Variants in CDK12 observed in about 807,000 individuals in gnomAD.
CDK12 encodes the protein cyclin-dependent kinase 12.
CDK12 carries 17 observed loss-of-function variants against 133.8 expected under a neutral mutation model. The ratio of observed to expected loss-of-function variants is 0.13; its 90% CI spans 0.09 to 0.19. The LOEUF is 0.19. Among genes scored for constraint, CDK12 ranks in the 10% least tolerant of loss-of-function variants. CDK12 has a pLI of 1.00. For synonymous variants in CDK12, 694 were observed against 683.6 expected (o/e 1.02, Z -0.24); for missense variants, 1,508 against 1,818.7 (o/e 0.83, Z 3.11).
intron 13 of CDK12, among the ~76,000 whole-genome samples, chr17:39,528,503 T>C (rs936402948): frequency 2.0e-5 from 3 of 151,960 alleles, no homozygotes; most frequent in African/African-American, 7.3e-5. Flanking sequence ...CGGCTAATTT[T>C]TTTGTATTTT....
chr17:39,545,697 A>C (rs1436658994), upstream of CDK12, among the ~76,000 whole-genome samples: 1 of 150,368 alleles, frequency 6.7e-6, no homozygotes, highest in Admixed American at 6.6e-5. Flanking sequence ...ACGGGGTTTC[A>C]CCATGTTGGC....
intron 7 of CDK12, among the ~76,000 whole-genome samples, chr17:39,510,002 A>G (rs1158102058): frequency 1.3e-5 from 2 of 150,600 alleles, no homozygotes; most frequent in African/African-American, 2.4e-5. Context: ...GGGTTTTGCT[A>G]TGTTGCCTAG....
chr17:39,547,016 G>T (rs910859906), upstream of CDK12, among the ~76,000 whole-genome samples: 2 of 152,068 alleles, frequency 1.3e-5, no homozygotes, highest in Non-Finnish European at 2.9e-5. Flanking sequence ...GATGGTATTT[G>T]GTACTGGAGA....
chr17:39,564,694 A>G (rs1379837032), intron 3 of CDK12: 1 of 152,218 alleles, frequency 6.6e-6, no homozygotes, highest in Admixed American at 6.5e-5. Context: ...ATCTGTGTCT[A>G]TATTCAGTTC....
intron 2 of CDK12, among the ~76,000 whole-genome samples, chr17:39,476,717 T>TTTTTTTTTC (rs2050230347): frequency 1.0e-5 from 1 of 100,326 alleles, no homozygotes; most frequent in African/African-American, 4.4e-5. Flanking sequence ...CTGCCTTTTT[T>TTTTTTTTTC]TTTTTTTTTT....
chr17:39,534,948 T>C (rs1266013762), downstream of CDK12: 1 of 152,254 alleles, frequency 6.6e-6, no homozygotes, highest in Non-Finnish European at 1.5e-5. Flanking sequence ...TAAACCAGAC[T>C]TCACCACCCA....
rs72827122 is a variant in CDK12 at position 39,542,055 on chromosome 17, T to G, written c.451-2194T>G. ...GACCCTTTCCTGAGAGCCCTGAGCT[T>G]CTTCAGGAAAGGAAGGATGGACTGT... On this transcript the variant is annotated intron_variant and NMD_transcript_variant, in intron 1 of 4. Transcript: ENST00000559663. Among the ~76,000 whole-genome samples, 888 of 152,244 alleles carry G rather than the reference T, an allele frequency of 5.8e-3. 6 individuals carry two copies. The highest frequency in any genetic ancestry group is 8.3e-3 in the Non-Finnish European group (565 of 68,016).
chr17:39,540,229 G>A (rs1359738090), intron 1 of CDK12, among the ~76,000 whole-genome samples: 1 of 152,228 alleles, frequency 6.6e-6, no homozygotes, highest in East Asian at 1.9e-4. Flanking sequence ...GCCTCAGGAT[G>A]ATGATCCCAA....
At chr17:39,485,231 C>T (rs1301629151) in intron 2 of CDK12, among the ~76,000 whole-genome samples, 1 of 151,240 alleles carries the variant, frequency 6.6e-6, no homozygotes, top group Non-Finnish European at 1.5e-5. Context: ...AAGAGAGTAC[C>T]TAATCTGTAT....
chr17:39,500,225 A>G (rs1162418294), intron 5 of CDK12, among the ~76,000 whole-genome samples: 1 of 151,874 alleles, frequency 6.6e-6, no homozygotes, highest in Non-Finnish European at 1.5e-5. Flanking sequence ...CAGCTACATG[A>G]GAGGCTGAGG....
At chr17:39,476,321 G>A (rs1289118571) in intron 2 of CDK12, among the ~76,000 whole-genome samples, 1 of 151,840 alleles carries the variant, frequency 6.6e-6, no homozygotes, top group Non-Finnish European at 1.5e-5. Flanking sequence ...TATTTCTCCT[G>A]GATGGTCTCG....
intron 10 of CDK12, 127 bp downstream of exon 10, chr17:39,517,683 AG>A: frequency 1.6e-6 from 1 of 622,792 alleles, no homozygotes. Flanking sequence ...AAAACATTTT[AG>A]TTTCGAACAG....
chr17:39,471,030 A>T lies in CDK12; in HGVS notation c.1198A>T (p.Ser400Cys). 1 of 1,614,182 alleles carries T rather than the reference A, an allele frequency of 6.2e-7. No homozygotes were observed. The highest frequency in any genetic ancestry group is 8.5e-7 in the Non-Finnish European group (1 of 1,180,026). The change falls in exon 2 of 14, where the codon AGT (serine) becomes TGT (cysteine). Residue 400 changes from serine (S) to cysteine (C), a missense_variant. Around this residue, in one of 9 missense-constraint regions of CDK12, gnomAD observed 4 missense variants for 25.5 expected, o/e 0.16. Transcript: ENST00000447079. ...PLNSSLGAEL[S>C]RKKKERAAAA... ...TAATTCCAGTCTGGGAGCTGAACTC[A>T]GTAGGAAAAAGAAGGAAAGAGCAGC...
intron 1 of CDK12, 61 bp from the exon 2 acceptor site, chr17:39,470,818 C>A: frequency 7.7e-7 from 1 of 1,303,340 alleles, no homozygotes; most frequent in Non-Finnish European, 1.1e-6. Flanking sequence ...TTTTATTGAT[C>A]TGTTTTCCTC....
intron 2 of CDK12, among the ~76,000 whole-genome samples, chr17:39,553,175 A>G (rs993749700): frequency 6.6e-6 from 1 of 151,974 alleles, no homozygotes; most frequent in Non-Finnish European, 1.5e-5. Flanking sequence ...CTACGGCTCA[A>G]CTCTTACTCT....
chr17:39,477,578 T>A (rs12451585), intron 2 of CDK12, among the ~76,000 whole-genome samples: 103,307 of 148,400 alleles, frequency 0.7, 37,246 homozygotes, highest in South Asian at 0.91. Context: ...TTATTTATTT[T>A]TTTTTTTTTT....
At chr17:39,535,508 A>C (rs2055092330), downstream of CDK12, among the ~76,000 whole-genome samples, 1 of 152,166 alleles carries the variant, frequency 6.6e-6, no homozygotes, top group African/African-American at 2.4e-5. Flanking sequence ...CCTGGTTGCA[A>C]GTTCATGATT....
At chr17:39,468,856 A>AGCC (rs1270771858) in intron 1 of CDK12, among the ~76,000 whole-genome samples, 1 of 151,762 alleles carries the variant, frequency 6.6e-6, no homozygotes, top group Non-Finnish European at 1.5e-5. Flanking sequence ...CTCTGTCGCC[A>AGCC]GCCTGGAGTG....
At chr17:39,537,497 A>C (rs2055184880), downstream of CDK12, among the ~76,000 whole-genome samples, 1 of 152,100 alleles carries the variant, frequency 6.6e-6, no homozygotes, top group African/African-American at 2.4e-5. Flanking sequence ...GAACTAGAAG[A>C]GTCTGGTAGC....
Sources: allele counts gnomAD v4.1 joint callset (sites outside exome capture counted in the v4.1 genomes callset), GRCh38; gene constraint gnomAD v4.1.1; regional missense constraint gnomAD v4.1.1; transcripts MANE v1.5; gene names NCBI Gene and HGNC (gene_info 2026-07-23, HGNC 2026-07-21).